Variants in ATXN7L1 observed in about 807,000 individuals in gnomAD.
The protein encoded by ATXN7L1 is ataxin-7-like protein 1.
ATXN7L1 carries 15 observed loss-of-function variants against 70.8 expected under a neutral mutation model. That is an observed-to-expected ratio of 0.21 (90% confidence interval 0.14 to 0.33). ATXN7L1 has a LOEUF of 0.33. Ranked by LOEUF, ATXN7L1 falls within the 10% of genes least tolerant of loss-of-function variation. ATXN7L1 has a pLI of 1.00. For missense variants in ATXN7L1, 975 were observed against 1,097.1 expected (o/e 0.89, Z 1.57); for synonymous variants, 440 against 445.1 (o/e 0.99, Z 0.14).
At chr7:105,639,387 T>G in intron 6 of ATXN7L1, 100 bp downstream of exon 6, 1 of 883,012 alleles carries the variant, frequency 1.1e-6, no homozygotes, top group African/African-American at 1.7e-5. Context: ...GGGGGTCATG[T>G]CGAGGTTCCA....
intron 3 of ATXN7L1, among the ~76,000 whole-genome samples, chr7:105,785,721 T>C (rs1804206522): frequency 6.6e-6 from 1 of 151,766 alleles, no homozygotes; most frequent in African/African-American, 2.4e-5. Context: ...GTCATGAGAG[T>C]GGAGCCCCCA....
intron 3 of ATXN7L1, chr7:105,678,092 CT>C (rs66850827): frequency 0.2 from 103,050 of 515,502 alleles, 292 homozygotes; most frequent in Non-Finnish European, 0.23. Flanking sequence ...CAGACACATA[CT>C]TTTTTTTTTT....
chr7:105,645,759 G>A (rs1798906716), intron 4 of ATXN7L1, among the ~76,000 whole-genome samples: 1 of 151,746 alleles, frequency 6.6e-6, no homozygotes, highest in South Asian at 2.1e-4. Context: ...CTTACAGTGA[G>A]CCGAGATAGT....
chr7:105,733,161 A>C (rs1331392615), intron 3 of ATXN7L1, among the ~76,000 whole-genome samples: 1 of 152,212 alleles, frequency 6.6e-6, no homozygotes, highest in South Asian at 2.1e-4. Flanking sequence ...TCACTGTTGC[A>C]TTACCAATAC....
intron 2 of ATXN7L1, among the ~76,000 whole-genome samples, chr7:105,860,540 A>G (rs1007309558): frequency 6.6e-6 from 1 of 152,168 alleles, no homozygotes; most frequent in Non-Finnish European, 1.5e-5. Context: ...GGTGAATCAA[A>G]AAACCTCATA....
At chr7:105,670,673 A>AT (rs1385977785) in intron 3 of ATXN7L1, among the ~76,000 whole-genome samples, 2 of 151,738 alleles carry the variant, frequency 1.3e-5, no homozygotes, top group Non-Finnish European at 2.9e-5. Context: ...AAAAAAAAAA[A>AT]ACTGATTTGG....
chr7:105,747,465 G>A (rs1798712097), intron 3 of ATXN7L1, among the ~76,000 whole-genome samples: 2 of 152,184 alleles, frequency 1.3e-5, no homozygotes, highest in African/African-American at 4.8e-5. Context: ...CCCAGACCTT[G>A]CCTTATGTAT....
At chr7:105,651,239 C>T (rs759001056) in intron 4 of ATXN7L1, among the ~76,000 whole-genome samples, 27 of 152,158 alleles carry the variant, frequency 1.8e-4, no homozygotes, top group Non-Finnish European at 3.7e-4. Flanking sequence ...TTCCTGGCTC[C>T]ATGCCTCAGT....
chr7:105,868,616 TA>T (rs1817818994), intron 2 of ATXN7L1, among the ~76,000 whole-genome samples: 1 of 152,092 alleles, frequency 6.6e-6, no homozygotes. Flanking sequence ...GACAAAATTA[TA>T]TATGTATCTA....
intron 4 of ATXN7L1, among the ~76,000 whole-genome samples, chr7:105,657,334 C>T (rs1800817859): frequency 6.6e-6 from 1 of 152,040 alleles, no homozygotes; most frequent in Non-Finnish European, 1.5e-5. Context: ...TTGAAAAAAC[C>T]AGAGGGTCCC....
intron 3 of ATXN7L1, among the ~76,000 whole-genome samples, chr7:105,667,345 G>A (rs1461899269): frequency 6.6e-6 from 1 of 152,202 alleles, no homozygotes; most frequent in Admixed American, 6.5e-5. Context: ...AATAAAATTC[G>A]AAGCCAGGAA....
intron 3 of ATXN7L1, among the ~76,000 whole-genome samples, chr7:105,692,424 T>TCCCTCCCTCCCTCCTTCCTTCCTC (rs1554431696): frequency 6.0e-4 from 53 of 88,174 alleles, no homozygotes; most frequent in Middle Eastern, 4.7e-3. Flanking sequence ...CTTCCTTCCT[T>TCCCTCCCTCCCTCCTTCCTTCCTC]CCTCCCTCCC....
intron 3 of ATXN7L1, among the ~76,000 whole-genome samples, chr7:105,770,899 C>G (rs1291386661): frequency 1.3e-5 from 2 of 152,188 alleles, no homozygotes; most frequent in African/African-American, 4.8e-5. Flanking sequence ...CACCAAGGAT[C>G]ATGTTAAAAA....
At chr7:105,640,817 C>T (rs1323142884) in intron 5 of ATXN7L1, among the ~76,000 whole-genome samples, 2 of 152,214 alleles carry the variant, frequency 1.3e-5, no homozygotes, top group Non-Finnish European at 2.9e-5. Flanking sequence ...AGGCACCGAG[C>T]AAACACATAA....
intron 2 of ATXN7L1, among the ~76,000 whole-genome samples, chr7:105,856,319 C>T (rs1434629232): frequency 6.6e-6 from 1 of 152,208 alleles, no homozygotes; most frequent in Non-Finnish European, 1.5e-5. Flanking sequence ...GGCATAGTGG[C>T]TCAGGCCTGT....
intron 2 of ATXN7L1, among the ~76,000 whole-genome samples, chr7:105,829,389 G>C (rs1811295084): frequency 6.6e-6 from 1 of 152,198 alleles, no homozygotes; most frequent in Non-Finnish European, 1.5e-5. Flanking sequence ...GTTGCAATGA[G>C]CCGAGATCAG....
At chr7:105,692,370 TTTCC>T (rs60485799) in intron 3 of ATXN7L1, among the ~76,000 whole-genome samples, 15,055 of 94,446 alleles carry the variant, frequency 0.16, 1,470 homozygotes, top group Non-Finnish European at 0.2. Flanking sequence ...AATTTCTTTC[TTTCC>T]TTCCTTCCTT....
intron 3 of ATXN7L1, among the ~76,000 whole-genome samples, chr7:105,706,935 ATAGT>A (rs1331720417): frequency 2.6e-5 from 4 of 152,224 alleles, no homozygotes; most frequent in Non-Finnish European, 4.4e-5. Context: ...ACAATGGCAA[ATAGT>A]TAGGTTTTCT....
chr7:105,624,974 C>A (rs1464304569), intron 7 of ATXN7L1, among the ~76,000 whole-genome samples: 2 of 152,226 alleles, frequency 1.3e-5, no homozygotes, highest in Non-Finnish European at 2.9e-5. Context: ...CATACAGTTG[C>A]TTTCCTTTGA....
Sources: gnomAD v4.1 joint callset for allele counts (sites outside exome capture counted in the v4.1 genomes callset) on GRCh38, gnomAD v4.1.1 for gene constraint, MANE v1.5 for transcripts, NCBI Gene and HGNC (gene_info 2026-07-23, HGNC 2026-07-21) for gene names.